The following SMARCA5 variants were observed in gnomAD, a reference collection of about 807,000 sequenced individuals.
SMARCA5 encodes SNF2 related chromatin remodeling ATPase 5, also known as SWI/SNF-related matrix-associated actin-dependent regulator of chromatin subfamily A member 5.
A neutral mutation model predicts 140.4 loss-of-function variants in SMARCA5; 18 were observed. That is an observed-to-expected ratio of 0.13 (90% CI 0.09 to 0.19). SMARCA5 has a LOEUF of 0.19. SMARCA5 is among the 10% of genes least tolerant of loss of function. The pLI is 1.00. For missense variants in SMARCA5, 606 were observed against 1,276.8 expected (o/e 0.47, Z 8.01); for synonymous variants, 449 against 419.6 (o/e 1.07, Z -0.86).
At chr4:143,535,031 T>G (rs754118228) in intron 10 of SMARCA5, 67 bp downstream of exon 10, 3 of 1,154,286 alleles carry the variant, frequency 2.6e-6, no homozygotes, top group Non-Finnish European at 3.7e-6. Flanking sequence ...GTATTTTGTT[T>G]TCCTAATTTG....
chr4:143,541,379 C>T (rs1226564757), intron 14 of SMARCA5, among the ~76,000 whole-genome samples: 1 of 152,148 alleles, frequency 6.6e-6, no homozygotes, highest in East Asian at 1.9e-4. Flanking sequence ...TTTTGTCAGT[C>T]TCTGATGTCC....
intron 3 of SMARCA5, among the ~76,000 whole-genome samples, chr4:143,523,842 A>G (rs6827300): frequency 0.21 from 31,970 of 152,132 alleles, 3,370 homozygotes; most frequent in South Asian, 0.29. Flanking sequence ...AATTGGCAGT[A>G]TTAAAACTTT....
chr4:143,544,823 T>C lies in SMARCA5; in HGVS notation c.2259T>C (p.Arg753=), dbSNP rs747168802. The change falls in exon 17 of 24, where the codon CGT becomes CGC. Residue 753 remains arginine, a synonymous_variant. Coordinates refer to ENST00000283131, the MANE Select transcript of SMARCA5 (RefSeq NM_003601.4). ...ATGCATATTTCAGGGAAGCTCTTCGTGTTAGTGAACCTAAAGCACCCAAGG... is the reference window on the plus strand; with the variant it reads ...ATGCATATTTCAGGGAAGCTCTTCGCGTTAGTGAACCTAAAGCACCCAAGG... ...AVDAYFREAL[R]VSEPKAPKAP... 7 of 1,610,430 alleles carry C rather than the reference T, an allele frequency of 4.3e-6. No individual in the cohort carries two copies. The highest frequency in any genetic ancestry group is 5.9e-6 in the Non-Finnish European group (7 of 1,177,096).
rs1196569185 is a variant in SMARCA5 at position 143,557,291 on chromosome 4, A to G, written c.*4107A>G. On this transcript the variant is annotated 3_prime_UTR_variant, in exon 24 of 24. Transcript: ENST00000283131. ...TAATGTTGGAAACTTTGTAATATAA[A>G]CAATGTAAACACTACATTGACAAAA... 1 of 152,246 alleles carries G rather than the reference A, an allele frequency of 6.6e-6. No homozygotes were observed. Among genetic ancestry groups the G allele is most frequent in the East Asian group, 1.9e-4 (1 of 5,200 alleles). The allele number at this position is 152,246 out of a possible 1,614,324, so 9.4% of individuals were successfully genotyped here. A position where few individuals can be genotyped will look rare whatever the true frequency, so the allele number is the denominator to read the frequency against.
At chr4:143,514,778 G>A (rs571237907) in intron 1 of SMARCA5, 1 of 152,360 alleles carries the variant, frequency 6.6e-6, no homozygotes, top group African/African-American at 2.4e-5. Context: ...TAATTTAGGG[G>A]GGATGAATAA....
intron 5 of SMARCA5, 140 bp from the exon 6 acceptor site, chr4:143,526,141 A>G (rs1737068005): frequency 4.4e-6 from 3 of 680,464 alleles, no homozygotes; most frequent in Non-Finnish European, 7.5e-6. Flanking sequence ...ACAAACTTTG[A>G]TATATGTTAA....
Position 143,529,289 on chromosome 4 carries a change from C to T in SMARCA5, c.1089+575C>T, listed in dbSNP as rs542706725. 8.6e-4 allele frequency among the ~76,000 whole-genome samples: 131 copies of T among 152,262 alleles called. 1 individual carries two copies. The highest frequency in any genetic ancestry group is 1.8e-3 in the Admixed American group (28 of 15,296). ...ATCTGAAATGGCATAAATTGTCACT[C>T]CTATTTGGTAAGTCAGGTTGGCCTG... On this transcript the variant is annotated intron_variant, in intron 8 of 23. Transcript: ENST00000283131.
chr4:143,524,767 AAAG>A (rs1737033166), intron 4 of SMARCA5, among the ~76,000 whole-genome samples: 9 of 152,226 alleles, frequency 5.9e-5, no homozygotes, highest in Admixed American at 5.9e-4. Context: ...TTATTTTAAA[AAAG>A]GTACTTCATG....
intron 13 of SMARCA5, among the ~76,000 whole-genome samples, chr4:143,539,311 A>G (rs1737381834): frequency 6.6e-6 from 1 of 152,168 alleles, no homozygotes; most frequent in Non-Finnish European, 1.5e-5. Context: ...ACTGCAAGGG[A>G]ATTGGTAAAT....
At chr4:143,547,116 A>T (rs564003558) in intron 20 of SMARCA5, among the ~76,000 whole-genome samples, 1 of 152,138 alleles carries the variant, frequency 6.6e-6, no homozygotes. Context: ...AGCTAACTCT[A>T]GCGACAGCAA....
chr4:143,516,759 G>A lies in SMARCA5; in HGVS notation c.178-596G>A, dbSNP rs140766005. Among the ~76,000 whole-genome samples the A allele has an allele frequency of 4.5e-4, 68 of 152,162 alleles. 3 individuals carry two copies. In the East Asian group the frequency reaches 0.013, roughly 28 times the overall value. ...TTTTTTAATGGATGAATAGAACTTT[G>A]CAGTGTAGAAGTTGTTTTTTGTTGC... On this transcript the variant is annotated intron_variant, in intron 1 of 23. Coordinates refer to ENST00000283131, the MANE Select transcript of SMARCA5 (RefSeq NM_003601.4).
intron 8 of SMARCA5, 81 bp downstream of exon 8, chr4:143,528,795 T>A: frequency 7.9e-7 from 1 of 1,263,400 alleles, no homozygotes; most frequent in Non-Finnish European, 1.1e-6. Flanking sequence ...GTGGCCTGCC[T>A]TTTAGCATGG....
At chr4:143,534,312 T>G (rs991279818) in intron 9 of SMARCA5, among the ~76,000 whole-genome samples, 5 of 152,252 alleles carry the variant, frequency 3.3e-5, no homozygotes, top group Admixed American at 2.6e-4. Flanking sequence ...GGTCTTGTAT[T>G]ACTACCCTTC....
chr4:143,524,415 A>C lies in SMARCA5; in HGVS notation c.468A>C (p.Thr156=), dbSNP rs1192638775. The change falls in exon 4 of 24, where the codon ACA becomes ACC. Residue 156 remains threonine (T), a synonymous_variant. Coordinates refer to ENST00000283131, the MANE Select transcript of SMARCA5 (RefSeq NM_003601.4). ...TEQEEDEELL[T]ESSKATNVCT... is the part of the protein sequence containing the mutation. ...AAGAGGAGGATGAAGAGCTATTAAC[A>C]GAAAGCTCCAAAGCAACCAATGTTT... is the stretch of plus-strand genomic sequence containing the variant. The C allele has an allele frequency of 1.2e-6, 2 of 1,613,442 alleles. No homozygotes were observed. Among genetic ancestry groups the C allele is most frequent in the Non-Finnish European group, 1.7e-6 (2 of 1,179,614 alleles).
intron 1 of SMARCA5, chr4:143,514,751 G>C (rs1736790852): frequency 6.6e-6 from 1 of 152,386 alleles, no homozygotes; most frequent in Non-Finnish European, 1.5e-5. Flanking sequence ...AGCAGCAGCT[G>C]TCTCGGATCC....
chr4:143,551,226 C>G (rs1737634381), intron 23 of SMARCA5, among the ~76,000 whole-genome samples: 1 of 152,052 alleles, frequency 6.6e-6, no homozygotes. Context: ...ATCATCTGTT[C>G]AGATCTTTTG....
At chr4:143,521,644 G>A in intron 3 of SMARCA5, 49 bp downstream of exon 3, 2 of 1,441,760 alleles carry the variant, frequency 1.4e-6, no homozygotes, top group South Asian at 1.3e-5. Context: ...ATTTTCGATA[G>A]TCTTCAGTGG....
chr4:143,533,413 G>A (rs1055029146), intron 9 of SMARCA5, among the ~76,000 whole-genome samples: 4 of 151,376 alleles, frequency 2.6e-5, no homozygotes, highest in African/African-American at 9.7e-5. Context: ...TTATTGAAGT[G>A]TGTACTTTTA....
In SMARCA5 at chr4:143,513,920, A is replaced by C. The variant is rs776403445; in HGVS notation, c.-5A>C. Reference sequence around the variant, plus strand: ...GGCAGCAGCGGGTGACGCAGACGGAACATCATGTCGTCCGCGGCCGAGCCT... The same window carrying C: ...GGCAGCAGCGGGTGACGCAGACGGACCATCATGTCGTCCGCGGCCGAGCCT... On this transcript the variant is annotated 5_prime_UTR_variant, in exon 1 of 24. Transcript: ENST00000283131. 155 of 1,541,866 alleles carry C rather than the reference A, an allele frequency of 1.0e-4. No homozygotes were observed. Among genetic ancestry groups the C allele is most frequent in the Non-Finnish European group, 1.3e-4 (150 of 1,150,594 alleles).
Sources: gnomAD v4.1 joint callset for allele counts (sites outside exome capture counted in the v4.1 genomes callset) on GRCh38, gnomAD v4.1.1 for gene constraint, MANE v1.5 for transcripts, NCBI Gene and HGNC (gene_info 2026-07-23, HGNC 2026-07-21) for gene names.